TRPC5: variants seen among roughly 807,000 people sequenced by gnomAD.
TRPC5 encodes transient receptor potential cation channel subfamily C member 5.
In TRPC5, 9 loss-of-function variants were observed where a neutral mutation model predicts 56.5. That is an observed-to-expected ratio of 0.16 (90% CI 0.10 to 0.28). The LOEUF (loss-of-function observed/expected upper bound fraction) is 0.28, where lower values mean the gene tolerates loss of function less well. TRPC5 is among the 10% of genes least tolerant of loss of function. The pLI is 1.00. For missense variants in TRPC5, 469 were observed against 748.9 expected (o/e 0.63, Z 4.36); for synonymous variants, 282 against 278.5 (o/e 1.01, Z -0.13).
intron 7 of TRPC5, among the ~76,000 whole-genome samples, chrX:111,817,448 T>C: frequency 9.3e-6 from 1 of 107,076 alleles, no homozygotes; most frequent in East Asian, 3.0e-4. Context: ...TGCTTCGGCC[T>C]CCCAGTAGCT....
At chrX:111,846,012 A>G (rs960578240) in intron 6 of TRPC5, among the ~76,000 whole-genome samples, 2 of 112,042 alleles carry the variant, frequency 1.8e-5, no homozygotes, top group African/African-American at 6.5e-5. Context: ...ATTTTAGGAA[A>G]TGCTGCTAGA....
At chrX:111,998,118 A>G (rs1462707427) in intron 1 of TRPC5, among the ~76,000 whole-genome samples, 1 of 111,288 alleles carries the variant, frequency 9.0e-6, no homozygotes, top group Non-Finnish European at 1.9e-5. Flanking sequence ...GTCTCTCCCC[A>G]TCTTTGTGGT....
intron 2 of TRPC5, among the ~76,000 whole-genome samples, chrX:111,915,748 G>C (rs1925955461): frequency 9.0e-6 from 1 of 111,565 alleles, no homozygotes; most frequent in South Asian, 3.8e-4. Flanking sequence ...ATCTAGCACA[G>C]TGCTAGACAC....
chrX:111,835,011 A>G lies in TRPC5; in HGVS notation c.1806T>C (p.Ala602=). The change falls in exon 7 of 11, where the codon GCT becomes GCC. Residue 602 remains alanine (A), a synonymous_variant. Coordinates refer to ENST00000262839, the MANE Select transcript of TRPC5 (RefSeq NM_012471.3). ...TGACATTGTATGTTCCAAACATGGTAGCTCCTACAAACTCGGTGAATTCGT... is the reference window on the plus strand; with the variant it reads ...TGACATTGTATGTTCCAAACATGGTGGCTCCTACAAACTCGGTGAATTCGT... The part of the protein sequence containing the change: ...ARHEFTEFVG[A]TMFGTYNVIS... The G allele has an allele frequency of 8.3e-7, 1 of 1,211,222 alleles. No individual in the cohort carries two copies. The highest frequency in any genetic ancestry group is 1.1e-6 in the Non-Finnish European group (1 of 894,849).
chrX:111,877,403 T>G (rs1603069547), intron 3 of TRPC5, among the ~76,000 whole-genome samples: 1 of 111,441 alleles, frequency 9.0e-6, no homozygotes, highest in African/African-American at 3.3e-5. Flanking sequence ...TTAGTTGTGG[T>G]GACTTAGTGT....
intron 7 of TRPC5, among the ~76,000 whole-genome samples, chrX:111,795,554 T>C (rs1370504021): frequency 9.0e-6 from 1 of 111,187 alleles, no homozygotes; most frequent in Non-Finnish European, 1.9e-5. Context: ...TGACTTCTAG[T>C]GCCCATGGTT....
intron 2 of TRPC5, among the ~76,000 whole-genome samples, chrX:111,936,132 C>A (rs943556918): frequency 9.0e-6 from 1 of 111,243 alleles, no homozygotes; most frequent in Admixed American, 9.6e-5. Context: ...CAGTATCTTG[C>A]CTCAGTGTTT....
intron 3 of TRPC5, among the ~76,000 whole-genome samples, chrX:111,872,617 C>A (rs1232102403): frequency 9.0e-6 from 1 of 111,414 alleles, no homozygotes; most frequent in Non-Finnish European, 1.9e-5. Flanking sequence ...GTTGAGGTAT[C>A]TTAGGGTATT....
chrX:111,994,341 C>A (rs1329874940), intron 1 of TRPC5, among the ~76,000 whole-genome samples: 1 of 111,569 alleles, frequency 9.0e-6, no homozygotes, highest in East Asian at 2.8e-4. Context: ...TAGTGTGATG[C>A]CTCCAGCTTT....
At chrX:111,955,803 G>A (rs1256208919) in intron 1 of TRPC5, among the ~76,000 whole-genome samples, 1 of 111,954 alleles carries the variant, frequency 8.9e-6, no homozygotes, top group Non-Finnish European at 1.9e-5. Flanking sequence ...TTATTTGGAA[G>A]GTTTTTCCCC....
At chrX:111,978,514 G>A (rs1044896300) in intron 1 of TRPC5, among the ~76,000 whole-genome samples, 11 of 111,126 alleles carry the variant, frequency 9.9e-5, no homozygotes, top group Admixed American at 1.9e-4. Context: ...TACACGTACC[G>A]TATGAGCCAG....
At chrX:111,951,223 C>T (rs1927079948) in intron 2 of TRPC5, among the ~76,000 whole-genome samples, 1 of 111,643 alleles carries the variant, frequency 9.0e-6, no homozygotes. Flanking sequence ...TTCAATAGGG[C>T]TGTGGCAGAG....
In TRPC5 at chrX:111,957,216, GC is replaced by G. The variant is rs759034293; in HGVS notation, c.-21-4776del. Among the ~76,000 whole-genome samples, 494 of 111,783 alleles carry G rather than the reference GC, an allele frequency of 4.4e-3. 1 individual carries two copies. The highest frequency in any genetic ancestry group is 0.015 in the African/African-American group (463 of 30,753). The stretch of plus-strand genomic sequence containing the variant: ...TCAGATCAGCACAGATTATACTGTG[GC>G]TTTTTGTTTTTTAGTCCATTCATTC... On this transcript the variant is annotated intron_variant, in intron 1 of 10. Coordinates refer to ENST00000262839, the MANE Select transcript of TRPC5 (RefSeq NM_012471.3).
intron 2 of TRPC5, among the ~76,000 whole-genome samples, chrX:111,919,595 G>A (rs1049081914): frequency 2.7e-5 from 3 of 111,970 alleles, no homozygotes; most frequent in African/African-American, 9.7e-5. Flanking sequence ...TAGCCTTTTT[G>A]TATCTCAATT....
chrX:111,882,139 A>C (rs1388699273), intron 3 of TRPC5: 1 of 112,387 alleles, frequency 8.9e-6, no homozygotes, highest in African/African-American at 3.2e-5. Flanking sequence ...TTACAAACTT[A>C]TTACAAAATG....
intron 1 of TRPC5, among the ~76,000 whole-genome samples, chrX:112,035,089 T>TAAA (rs1169340398): frequency 1.0e-5 from 1 of 99,149 alleles, no homozygotes. Context: ...TTTTTTTTTT[T>TAAA]AAAAAAAAAA....
chrX:111,906,464 G>C (rs771516594), intron 3 of TRPC5, among the ~76,000 whole-genome samples: 7 of 111,559 alleles, frequency 6.3e-5, no homozygotes, highest in Non-Finnish European at 1.1e-4. Flanking sequence ...GGTCATTCTA[G>C]TAACCTTATT....
intron 1 of TRPC5, among the ~76,000 whole-genome samples, chrX:112,023,156 G>A (rs1352449219): frequency 9.5e-6 from 1 of 105,728 alleles, no homozygotes; most frequent in Non-Finnish European, 1.9e-5. Flanking sequence ...GGATGGACTC[G>A]ATCTCCTGAC....
chrX:111,969,199 G>T (rs768526012), intron 1 of TRPC5, among the ~76,000 whole-genome samples: 1 of 110,521 alleles, frequency 9.0e-6, no homozygotes, highest in East Asian at 2.8e-4. Flanking sequence ...TCAGATAATC[G>T]TTAACATTTT....
Sources: gnomAD v4.1 joint callset for allele counts (sites outside exome capture counted in the v4.1 genomes callset) on GRCh38, gnomAD v4.1.1 for gene constraint, MANE v1.5 for transcripts, NCBI Gene and HGNC (gene_info 2026-07-23, HGNC 2026-07-21) for gene names.